CELF2: variants seen among roughly 807,000 people sequenced by gnomAD.
The protein encoded by CELF2 is CUG triplet repeat RNA-binding protein 2.
In CELF2, 8 loss-of-function variants were observed where a neutral mutation model predicts 62.6. The ratio of observed to expected loss-of-function variants is 0.13; its 90% CI spans 0.07 to 0.23. CELF2 has a LOEUF of 0.23. Ranked by LOEUF, CELF2 falls within the 10% of genes least tolerant of loss-of-function variation. The pLI is 1.00. For synonymous variants in CELF2, 258 were observed against 250.0 expected (o/e 1.03, Z -0.30); for missense variants, 333 against 671.0 (o/e 0.50, Z 5.56).
At chr10:10,614,860 A>G in the CELF2 span, among the ~76,000 whole-genome samples, 1 of 152,126 alleles carries the variant, frequency 6.6e-6, no homozygotes, top group Non-Finnish European at 1.5e-5. Context: ...GTTCTTCAGG[A>G]AACAGACACA....
chr10:10,623,189 ACAG>A, the CELF2 span, among the ~76,000 whole-genome samples: 1 of 151,162 alleles, frequency 6.6e-6, no homozygotes, highest in Non-Finnish European at 1.5e-5. Context: ...GAATGGCAGT[ACAG>A]CTGCCTCTAT....
chr10:10,789,564 A>AATTGAAACAC, the CELF2 span, among the ~76,000 whole-genome samples: 210 of 152,318 alleles, frequency 1.4e-3, 1 homozygote, highest in East Asian at 5.2e-3. Flanking sequence ...TCTGGACAGC[A>AATTGAAACAC]ATTGAAACAC....
At chr10:10,989,754 A>G (rs1592787857) in intron 2 of CELF2, among the ~76,000 whole-genome samples, 2 of 152,240 alleles carry the variant, frequency 1.3e-5, no homozygotes, top group East Asian at 3.8e-4. Flanking sequence ...AATCTTTTTT[A>G]GGAATTAAAA....
At chr10:11,313,827 A>G (rs2094727278) in intron 9 of CELF2, among the ~76,000 whole-genome samples, 2 of 152,146 alleles carry the variant, frequency 1.3e-5, no homozygotes, top group Non-Finnish European at 1.5e-5. Flanking sequence ...GATATTATCC[A>G]ATAATGAAGC....
chr10:10,551,196 A>G, the CELF2 span, among the ~76,000 whole-genome samples: 1 of 152,142 alleles, frequency 6.6e-6, no homozygotes, highest in East Asian at 1.9e-4. Context: ...TGCAGCTCAA[A>G]CCAGTGTTGT....
At chr10:10,816,157 G>A (rs1212230865) in intron 1 of CELF2, among the ~76,000 whole-genome samples, 1 of 152,116 alleles carries the variant, frequency 6.6e-6, no homozygotes, top group Non-Finnish European at 1.5e-5. Flanking sequence ...TTTGTTGTTG[G>A]TAAGCACAGA....
the CELF2 span, among the ~76,000 whole-genome samples, chr10:10,581,510 A>G: frequency 2.6e-5 from 4 of 152,120 alleles, no homozygotes; most frequent in African/African-American, 4.8e-5. Flanking sequence ...AGGAAAGCTG[A>G]CACACCAACA....
chr10:10,942,442 G>A (rs144824167), intron 2 of CELF2, among the ~76,000 whole-genome samples: 185 of 152,274 alleles, frequency 1.2e-3, no homozygotes, highest in African/African-American at 4.1e-3. Context: ...TGGAATGAGG[G>A]CCTTAGTCCC....
the CELF2 span, among the ~76,000 whole-genome samples, chr10:10,605,341 A>G: frequency 2.0e-5 from 3 of 152,296 alleles, no homozygotes; most frequent in South Asian, 6.2e-4. Context: ...TACCTAGGTG[A>G]TGGGTTGATA....
At chr10:10,788,003 C>CTTAA in the CELF2 span, among the ~76,000 whole-genome samples, 1 of 152,202 alleles carries the variant, frequency 6.6e-6, no homozygotes, top group African/African-American at 2.4e-5. Context: ...ATAGACTCTA[C>CTTAA]CACTAGATTA....
intron 1 of CELF2, among the ~76,000 whole-genome samples, chr10:10,845,162 C>T (rs1009618185): frequency 2.0e-5 from 3 of 151,990 alleles, no homozygotes; most frequent in African/African-American, 7.2e-5. Flanking sequence ...ATTGCTGTGG[C>T]CATTTTCTTG....
At chr10:11,044,197 G>A (rs762008988) in intron 1 of CELF2, among the ~76,000 whole-genome samples, 22 of 152,106 alleles carry the variant, frequency 1.4e-4, no homozygotes, top group East Asian at 7.7e-4. Flanking sequence ...ATTTTTTACC[G>A]TTTAACAAAA....
chr10:10,864,732 T>C (rs1221530462), intron 1 of CELF2, among the ~76,000 whole-genome samples: 1 of 152,220 alleles, frequency 6.6e-6, no homozygotes, highest in Non-Finnish European at 1.5e-5. Context: ...TATAATTGTC[T>C]TAGGTGTTAG....
intron 2 of CELF2, among the ~76,000 whole-genome samples, chr10:10,967,588 G>T (rs949284891): frequency 3.3e-5 from 5 of 152,214 alleles, no homozygotes; most frequent in Non-Finnish European, 7.3e-5. Context: ...CCTGAGTGCA[G>T]GAAGGTGGGC....
intron 1 of CELF2, among the ~76,000 whole-genome samples, chr10:10,895,812 G>A (rs978073379): frequency 6.6e-5 from 10 of 152,164 alleles, no homozygotes; most frequent in Non-Finnish European, 1.3e-4. Context: ...CTGGAAGACA[G>A]ACAATGAAGG....
the CELF2 span, among the ~76,000 whole-genome samples, chr10:10,599,958 C>G: frequency 1.3e-5 from 2 of 152,080 alleles, no homozygotes; most frequent in Non-Finnish European, 2.9e-5. Flanking sequence ...GTCTCGATCT[C>G]CTGACCTCCT....
chr10:11,150,941 C>T (rs1283209326), intron 1 of CELF2, among the ~76,000 whole-genome samples: 1 of 152,200 alleles, frequency 6.6e-6, no homozygotes, highest in Non-Finnish European at 1.5e-5. Context: ...AAAATATCAA[C>T]AATGATTACA....
chr10:10,792,396 C>T, the CELF2 span: 1 of 398,184 alleles, frequency 2.5e-6, no homozygotes, highest in African/African-American at 2.1e-5. Context: ...AATTCAAGGG[C>T]AATATTCCGG....
chr10:10,463,332 A>T, the CELF2 span, among the ~76,000 whole-genome samples: 1 of 152,218 alleles, frequency 6.6e-6, no homozygotes, highest in Non-Finnish European at 1.5e-5. Flanking sequence ...GTGGGGGAAT[A>T]ACTGAAATTA....
Sources: allele counts gnomAD v4.1 joint callset (sites outside exome capture counted in the v4.1 genomes callset), GRCh38; gene constraint gnomAD v4.1.1; transcripts MANE v1.5; gene names NCBI Gene and HGNC (gene_info 2026-07-23, HGNC 2026-07-21).